Variants in STXBP5L observed in about 807,000 individuals in gnomAD.
STXBP5L encodes syntaxin binding protein 5L.
A neutral mutation model predicts 144.5 loss-of-function variants in STXBP5L; 65 were observed. That is an observed-to-expected ratio of 0.45 (90% confidence interval 0.37 to 0.55). The LOEUF is 0.55. Ranked by LOEUF, STXBP5L falls within the 20% of genes least tolerant of loss-of-function variation. The pLI, the probability that STXBP5L is intolerant of heterozygous loss-of-function variation, is 0.00. For missense variants in STXBP5L, 1,298 were observed against 1,405.5 expected, an observed-to-expected ratio of 0.92 and a Z score of 1.22; for synonymous variants, 505 against 469.6, an observed-to-expected ratio of 1.08 and a Z score of -0.97.
At chr3:121,057,873 A>G (rs550210996) in intron 5 of STXBP5L, among the ~76,000 whole-genome samples, 5 of 152,058 alleles carry the variant, frequency 3.3e-5, no homozygotes, top group African/African-American at 4.8e-5. Context: ...CTCTCACTCT[A>G]TCTTCCAAAT....
intron 2 of STXBP5L, among the ~76,000 whole-genome samples, chr3:120,935,319 C>A (rs754381894): frequency 2.0e-5 from 3 of 151,442 alleles, no homozygotes; most frequent in African/African-American, 7.3e-5. Context: ...TTTATAACTG[C>A]GTTCATTCAT....
chr3:121,379,639 G>A (rs2046278150), intron 21 of STXBP5L, among the ~76,000 whole-genome samples: 1 of 151,994 alleles, frequency 6.6e-6, no homozygotes, highest in African/African-American at 2.4e-5. Flanking sequence ...TAAGTTTTTG[G>A]TTTTTTAAAT....
At position 121,152,874 on chromosome 3, in the gene STXBP5L, C is replaced by G. The variant is rs555364618; in HGVS notation, c.753+314C>G. Among the ~76,000 whole-genome samples the G allele has an allele frequency of 3.9e-5, 6 of 152,148 alleles. No homozygotes were observed. In the East Asian group the frequency reaches 1.2e-3, roughly 29 times the overall value. ...ACCTGTACTATATCCCCAACTTTGT[C>G]TCAACTGCTTTTCCTTTCTGTAGGC... is the stretch of plus-strand genomic sequence containing the variant. On this transcript the variant is annotated intron_variant, in intron 8 of 26. Transcript: ENST00000471454.
chr3:121,173,084 A>G (rs558363828), intron 9 of STXBP5L, among the ~76,000 whole-genome samples: 1 of 152,084 alleles, frequency 6.6e-6, no homozygotes, highest in African/African-American at 2.4e-5. Flanking sequence ...AGAACAGAAA[A>G]CCAAACACCG....
At chr3:121,339,838 C>T (rs1313194098) in intron 20 of STXBP5L, among the ~76,000 whole-genome samples, 1 of 149,376 alleles carries the variant, frequency 6.7e-6, no homozygotes, top group Non-Finnish European at 1.5e-5. Flanking sequence ...ACTAGGAATA[C>T]ATTTAACCGG....
chr3:121,031,426 G>A (rs555914087), intron 3 of STXBP5L, among the ~76,000 whole-genome samples: 1 of 148,976 alleles, frequency 6.7e-6, no homozygotes. Flanking sequence ...CAACTATCTA[G>A]ATTGTTTTAA....
At chr3:121,019,455 C>T (rs544297257) in intron 3 of STXBP5L, among the ~76,000 whole-genome samples, 100 of 152,292 alleles carry the variant, frequency 6.6e-4, no homozygotes, top group African/African-American at 2.4e-3. Flanking sequence ...TGGCTGGAGG[C>T]CAACCAACAC....
At chr3:120,947,582 C>A (rs1402440277) in intron 2 of STXBP5L, among the ~76,000 whole-genome samples, 2 of 151,778 alleles carry the variant, frequency 1.3e-5, no homozygotes, top group East Asian at 3.9e-4. Context: ...TTCCATCAGT[C>A]CAGAAAGGCA....
chr3:121,165,909 T>C (rs1324108388), intron 9 of STXBP5L, among the ~76,000 whole-genome samples: 1 of 152,246 alleles, frequency 6.6e-6, no homozygotes, highest in Non-Finnish European at 1.5e-5. Flanking sequence ...TTTATAGATT[T>C]ATATTTTTTA....
chr3:121,272,587 T>C (rs2108422619), intron 18 of STXBP5L, among the ~76,000 whole-genome samples: 1 of 152,266 alleles, frequency 6.6e-6, no homozygotes, highest in South Asian at 2.1e-4. Context: ...CTTCCTTTTG[T>C]TTGGAGAATT....
intron 3 of STXBP5L, among the ~76,000 whole-genome samples, chr3:120,973,385 T>G (rs1042604696): frequency 2.0e-5 from 3 of 151,744 alleles, no homozygotes; most frequent in Non-Finnish European, 2.9e-5. Context: ...CTCTGGTGAT[T>G]TTTTTTTGCA....
At chr3:121,263,380 G>A (rs747432432) in intron 18 of STXBP5L, among the ~76,000 whole-genome samples, 2 of 152,060 alleles carry the variant, frequency 1.3e-5, no homozygotes, top group Admixed American at 6.6e-5. Context: ...AGCACAAAAC[G>A]ATGAAAATTC....
At chr3:121,267,132 G>A (rs537261789) in intron 18 of STXBP5L, among the ~76,000 whole-genome samples, 8 of 152,252 alleles carry the variant, frequency 5.3e-5, no homozygotes. Flanking sequence ...AACAAAGCTG[G>A]AGGCATCATG....
intron 22 of STXBP5L, among the ~76,000 whole-genome samples, chr3:121,396,834 G>A (rs1258805887): frequency 6.6e-6 from 1 of 152,226 alleles, no homozygotes; most frequent in African/African-American, 2.4e-5. Flanking sequence ...TGTGAGTGAT[G>A]TAAAAAGGGT....
At chr3:121,078,781 G>A (rs141322466) in intron 5 of STXBP5L, among the ~76,000 whole-genome samples, 2,331 of 152,350 alleles carry the variant, frequency 0.015, 32 homozygotes, top group Non-Finnish European at 0.021. Flanking sequence ...TACACCCTCC[G>A]CAGCCGCTGG....
chr3:121,397,330 G>A (rs532515915), intron 22 of STXBP5L, among the ~76,000 whole-genome samples: 1 of 152,320 alleles, frequency 6.6e-6, no homozygotes, highest in African/African-American at 2.4e-5. Flanking sequence ...TGTTAAATCA[G>A]TTAACATTCT....
At chr3:121,003,863 A>T (rs1252220657) in intron 3 of STXBP5L, among the ~76,000 whole-genome samples, 1 of 152,174 alleles carries the variant, frequency 6.6e-6, no homozygotes, top group Non-Finnish European at 1.5e-5. Flanking sequence ...AGATGGTTGA[A>T]GATATATGGC....
intron 9 of STXBP5L, among the ~76,000 whole-genome samples, chr3:121,199,293 G>A (rs939265271): frequency 2.6e-5 from 4 of 152,152 alleles, no homozygotes; most frequent in African/African-American, 4.8e-5. Context: ...GTCTATTATC[G>A]ATGTATAGGA....
At chr3:121,409,405 G>GA (rs996642597) in intron 23 of STXBP5L, among the ~76,000 whole-genome samples, 8 of 151,686 alleles carry the variant, frequency 5.3e-5, no homozygotes, top group Non-Finnish European at 8.8e-5. Flanking sequence ...TTGGGTACAA[G>GA]AAAAAAACAG....
Sources: gnomAD v4.1 joint callset for allele counts (sites outside exome capture counted in the v4.1 genomes callset) on GRCh38, gnomAD v4.1.1 for gene constraint, MANE v1.5 for transcripts, NCBI Gene and HGNC (gene_info 2026-07-23, HGNC 2026-07-21) for gene names.